Variants in CDH2 observed in about 807,000 individuals in gnomAD.
CDH2 encodes cadherin 2.
Under a neutral mutation model 92.0 loss-of-function variants are expected in CDH2, and 17 were observed. The ratio of observed to expected loss-of-function variants is 0.18; its 90% CI spans 0.13 to 0.28. The LOEUF (loss-of-function observed/expected upper bound fraction) is 0.28. Among genes scored for constraint, CDH2 ranks in the 10% least tolerant of loss-of-function variants. CDH2 has a pLI of 1.00. For missense variants in CDH2, 862 were observed against 1,133.1 expected, an observed-to-expected ratio of 0.76 and a Z score of 3.44; for synonymous variants, 419 against 415.9, an observed-to-expected ratio of 1.01 and a Z score of -0.09.
chr18:28,077,244 G>A (rs1384599249), intron 2 of CDH2, among the ~76,000 whole-genome samples: 3 of 152,130 alleles, frequency 2.0e-5, no homozygotes, highest in Non-Finnish European at 4.4e-5. Context: ...TATTCTGCTT[G>A]TTTACAATCA....
chr18:27,948,955 A>G (rs1337031633), downstream of CDH2, among the ~76,000 whole-genome samples: 3 of 151,938 alleles, frequency 2.0e-5, no homozygotes, highest in South Asian at 6.2e-4. Flanking sequence ...TTTTTTTATT[A>G]GCAATATTGC....
At chr18:27,933,111 A>G (rs1189943298) in exon 7 of CDH2, among the ~76,000 whole-genome samples, 2 of 152,034 alleles carry the variant, frequency 1.3e-5, no homozygotes, top group African/African-American at 2.4e-5. Flanking sequence ...TAAGCTCTCT[A>G]TGGGCCAGGT....
chr18:28,099,740 GAGAC>G lies in CDH2; in HGVS notation c.172+47929_172+47932del, dbSNP rs2015196328. ...GCCATGGAAGTATAAGAAAAATTGA[GAGAC>G]AGTGTGATATTAGAGAAAGCAAATA... On this transcript the variant is annotated intron_variant, in intron 2 of 15. Transcript: ENST00000269141. Among the ~76,000 whole-genome samples, 10 of 152,170 alleles carry G rather than the reference GAGAC, an allele frequency of 6.6e-5. No individual in the cohort carries two copies. In the South Asian group the frequency reaches 2.1e-3, roughly 32 times the overall value.
At chr18:28,084,062 T>G (rs2014881671) in intron 2 of CDH2, among the ~76,000 whole-genome samples, 1 of 152,166 alleles carries the variant, frequency 6.6e-6, no homozygotes, top group Admixed American at 6.5e-5. Flanking sequence ...TGAAGACTTT[T>G]GTCTGACAAA....
downstream of CDH2, among the ~76,000 whole-genome samples, chr18:27,950,241 GTATAT>G (rs543604063): frequency 1.3e-3 from 197 of 152,030 alleles, 1 homozygote; most frequent in Admixed American, 2.0e-3. Context: ...GTTAGAGGAG[GTATAT>G]TATATAAGTG....
chr18:27,957,377 G>A (rs1457220415), intron 15 of CDH2, among the ~76,000 whole-genome samples: 1 of 152,000 alleles, frequency 6.6e-6, no homozygotes, highest in Non-Finnish European at 1.5e-5. Flanking sequence ...AGCCTCCAGA[G>A]TAGCTAGGAC....
chr18:28,030,794 T>A (rs573268592), intron 2 of CDH2, among the ~76,000 whole-genome samples: 1 of 152,012 alleles, frequency 6.6e-6, no homozygotes, highest in East Asian at 1.9e-4. Flanking sequence ...ATTCCCAAAT[T>A]ATTACACATA....
intron 6 of CDH2, among the ~76,000 whole-genome samples, chr18:28,003,446 T>C (rs2012828376): frequency 6.6e-6 from 1 of 152,176 alleles, no homozygotes; most frequent in Admixed American, 6.5e-5. Context: ...ACTTTATGAT[T>C]CCAAAAAGGT....
chr18:28,156,867 A>C (rs1469084783), intron 1 of CDH2, among the ~76,000 whole-genome samples: 1 of 152,132 alleles, frequency 6.6e-6, no homozygotes, highest in Non-Finnish European at 1.5e-5. Flanking sequence ...AGTAGAGCCT[A>C]TCAGGGCTTA....
At chr18:28,176,723 A>G (rs2535597) in intron 1 of CDH2, among the ~76,000 whole-genome samples, 128,160 of 151,736 alleles carry the variant, frequency 0.84, 54,224 homozygotes, top group African/African-American at 0.87. Context: ...CCCGCAATCC[A>G]GCCCCTAGAG....
At chr18:28,053,612 C>G (rs1246029276) in intron 2 of CDH2, among the ~76,000 whole-genome samples, 1 of 152,164 alleles carries the variant, frequency 6.6e-6, no homozygotes, top group African/African-American at 2.4e-5. Flanking sequence ...CAATTAAGTC[C>G]TATACCTCAC....
At chr18:27,998,009 T>C (rs1351488822) in intron 7 of CDH2, among the ~76,000 whole-genome samples, 3 of 152,088 alleles carry the variant, frequency 2.0e-5, no homozygotes, top group Non-Finnish European at 1.5e-5. Flanking sequence ...GGTTTCACCG[T>C]GTTAGCCAGG....
intron 2 of CDH2, among the ~76,000 whole-genome samples, chr18:28,034,217 TCTG>T (rs1599050670): frequency 6.6e-6 from 1 of 152,182 alleles, no homozygotes; most frequent in East Asian, 1.9e-4. Flanking sequence ...AGATGACTAC[TCTG>T]CTAATATCTC....
At chr18:27,941,058 A>C (rs1381333616) in intron 6 of CDH2, among the ~76,000 whole-genome samples, 7 of 142,530 alleles carry the variant, frequency 4.9e-5, no homozygotes, top group African/African-American at 1.8e-4. Flanking sequence ...TTTTTTGAGA[A>C]GGAGTCTCGC....
rs978277624 is a variant in CDH2 at position 27,985,367 on chromosome 18, ACT to A, written c.1976-136_1976-135del. The A allele has an allele frequency of 1.4e-5, 11 of 773,328 alleles. No homozygotes were observed. The African/African-American group carries it at 1.6e-4, about 11-fold the overall frequency. 47.9% of individuals were successfully genotyped at this position (773,328 alleles called of 1,614,324 possible). A position where few individuals can be genotyped will look rare whatever the true frequency, so the allele number is the denominator to read the frequency against. Reference sequence around the variant, plus strand: ...ATTACAACTATGCTGCATTCTAAATACTTTTTTGGCCGTAAAGGCCTTTAATA... The same window carrying A: ...ATTACAACTATGCTGCATTCTAAATATTTTTGGCCGTAAAGGCCTTTAATA... On this transcript the variant is annotated intron_variant, in intron 12 of 15. Transcript: ENST00000269141.
intron 1 of CDH2, among the ~76,000 whole-genome samples, chr18:28,156,065 T>A (rs1322436034): frequency 6.6e-6 from 1 of 152,214 alleles, no homozygotes; most frequent in Non-Finnish European, 1.5e-5. Context: ...CTTGCCTTCA[T>A]GATGTGCTCT....
chr18:27,981,437 G>T (rs1331564319), intron 14 of CDH2, among the ~76,000 whole-genome samples: 5 of 152,136 alleles, frequency 3.3e-5, no homozygotes, highest in Non-Finnish European at 7.3e-5. Flanking sequence ...ATTCAAAACA[G>T]CTTTACACAT....
At chr18:28,081,505 T>TAAACTAGCTGTAATATTTTATCTGA (rs2014828795) in intron 2 of CDH2, among the ~76,000 whole-genome samples, 1 of 152,248 alleles carries the variant, frequency 6.6e-6, no homozygotes, top group Non-Finnish European at 1.5e-5. Flanking sequence ...AAGTCTTTTA[T>TAAACTAGCTGTAATATTTTATCTGA]AAACTAGCTG....
At chr18:28,001,978 G>C (rs1310902367) in intron 7 of CDH2, among the ~76,000 whole-genome samples, 1 of 152,174 alleles carries the variant, frequency 6.6e-6, no homozygotes, top group Non-Finnish European at 1.5e-5. Flanking sequence ...TACAGTAAAA[G>C]CTGGCTCAGC....
Sources: gnomAD v4.1 joint callset for allele counts (sites outside exome capture counted in the v4.1 genomes callset) on GRCh38, gnomAD v4.1.1 for gene constraint, MANE v1.5 for transcripts, NCBI Gene and HGNC (gene_info 2026-07-23, HGNC 2026-07-21) for gene names.